Variants in UNC13B observed in about 807,000 individuals in gnomAD.
The protein encoded by UNC13B is protein unc-13 homolog B.
A neutral mutation model predicts 211.0 loss-of-function variants in UNC13B; 144 were observed. The observed-to-expected ratio is 0.68, with a 90% confidence interval of 0.60 to 0.78. UNC13B has a LOEUF of 0.78. Among genes scored for constraint, UNC13B ranks in the 30% least tolerant of loss-of-function variants. The pLI is 0.00. For synonymous variants in UNC13B, 709 were observed against 725.8 expected (o/e 0.98, Z 0.37); for missense variants, 1,777 against 2,002.0 (o/e 0.89, Z 2.14).
chr9:35,305,436 A>G lies in UNC13B; in HGVS notation c.6032A>G (p.Asp2011Gly), dbSNP rs575981083. 4 of 399,016 alleles carry G rather than the reference A, an allele frequency of 1.0e-5. No homozygotes were observed. The highest frequency in any genetic ancestry group is 6.2e-5 in the African/African-American group (3 of 48,754). The allele number at this position is 399,016 out of a possible 1,614,324, so 24.7% of individuals were successfully genotyped here. ...NTSVSSMTIK[D>G]EVRSSPTPME... ...TCTGTTTCTTCAATGACTATTAAGG[A>G]TGAGGTCAGGTCAAGTCCTACTCCT... The change falls in exon 9 of 40, where the codon GAT becomes GGT. Residue 2011 changes from aspartate (D) to glycine (G), a missense_variant. Transcript: ENST00000635942.
At chr9:35,217,119 A>T (rs1824290679) in intron 1 of UNC13B, among the ~76,000 whole-genome samples, 1 of 152,212 alleles carries the variant, frequency 6.6e-6, no homozygotes, top group Admixed American at 6.5e-5. Flanking sequence ...GGGTCTACAT[A>T]TGTGATAAAT....
chr9:35,279,072 C>A (rs926313890), intron 7 of UNC13B, among the ~76,000 whole-genome samples: 1 of 151,978 alleles, frequency 6.6e-6, no homozygotes, highest in Non-Finnish European at 1.5e-5. Context: ...TAAAATAAAC[C>A]ATTTTAAATA....
intron 11 of UNC13B, among the ~76,000 whole-genome samples, chr9:35,349,325 C>G (rs1413242711): frequency 2.0e-5 from 3 of 148,082 alleles, no homozygotes; most frequent in Non-Finnish European, 4.5e-5. Context: ...CAGGGATACC[C>G]AATCCCTACA....
chr9:35,384,535 T>TTTATA, intron 22 of UNC13B: 1 of 985,488 alleles, frequency 1.0e-6, no homozygotes, highest in Non-Finnish European at 1.2e-6. Flanking sequence ...TATAGACAGT[T>TTTATA]GTCTTTCCAA....
intron 18 of UNC13B, 94 bp downstream of exon 18, chr9:35,380,733 A>G (rs567575784): frequency 1.1e-5 from 17 of 1,510,448 alleles, no homozygotes; most frequent in African/African-American, 9.6e-5. Context: ...TCTGTCCCCA[A>G]AGCATACCTC....
chr9:35,254,849 C>T (rs1826727029), intron 6 of UNC13B, among the ~76,000 whole-genome samples: 1 of 138,846 alleles, frequency 7.2e-6, no homozygotes, highest in South Asian at 2.2e-4. Context: ...TACGCTTTTT[C>T]TAAGTGTTGA....
In UNC13B at chr9:35,397,636, C is replaced by T. The variant is rs1835972910; in HGVS notation, c.11678C>T (p.Thr3893Ile). 7 of 1,613,200 alleles carry T rather than the reference C, an allele frequency of 4.3e-6. No individual in the cohort carries two copies. The highest frequency in any genetic ancestry group is 3.3e-4 in the Middle Eastern group (2 of 6,062). Residue 3893 changes from threonine (T) to isoleucine (I), a missense_variant and splice_region_variant, in exon 30 of 40, where the codon ACC becomes ATC. Thr to Ile is a moderately conservative substitution (Grantham distance 89). Coordinates refer to ENST00000635942, the MANE Select transcript of UNC13B (RefSeq NM_001371189.2). ...LAHYMRRFAK[T>I]IGKVLMQYAD... Reference sequence around the variant, plus strand: ...TTCTTTCCTTTCTCCTCTTCTCAGACCATCGGGAAGGTGCTGATGCAGTAT... The same window carrying T: ...TTCTTTCCTTTCTCCTCTTCTCAGATCATCGGGAAGGTGCTGATGCAGTAT...
chr9:35,206,872 CA>C (rs35378310), intron 1 of UNC13B, among the ~76,000 whole-genome samples: 92,867 of 113,006 alleles, frequency 0.82, 37,661 homozygotes, highest in Middle Eastern at 0.9. Flanking sequence ...GACTCCATCT[CA>C]AAAAAAAAAA....
rs183441011 is a variant in UNC13B, at chr9:35,273,520, A to G, written c.526+14470A>G. On this transcript the variant is annotated intron_variant, in intron 7 of 39. Transcript: ENST00000635942. ...TCAAATACTCCTCTTATAGCCTCTT[A>G]TTATTCTTGGTCTCCATCTAAAACT... Among the ~76,000 whole-genome samples the G allele has an allele frequency of 2.0e-4, 30 of 152,252 alleles. No individual in the cohort carries two copies. The South Asian group carries it at 6.0e-3, about 31-fold the overall frequency.
At chr9:35,319,537 C>T (rs1341774586) in intron 11 of UNC13B, among the ~76,000 whole-genome samples, 1 of 151,504 alleles carries the variant, frequency 6.6e-6, no homozygotes, top group African/African-American at 2.4e-5. Flanking sequence ...GAACATAGTA[C>T]TCAGGTAGTT....
At chr9:35,241,754 CCTT>C (rs1260702517) in intron 5 of UNC13B, among the ~76,000 whole-genome samples, 1 of 152,178 alleles carries the variant, frequency 6.6e-6, no homozygotes, top group Non-Finnish European at 1.5e-5. Flanking sequence ...TTCCCACTCT[CCTT>C]CTTTGTAACA....
chr9:35,391,809 A>G (rs75090152), intron 26 of UNC13B, among the ~76,000 whole-genome samples: 3,574 of 152,302 alleles, frequency 0.023, 134 homozygotes, highest in African/African-American at 0.081. Context: ...GAGGTTTTCA[A>G]ACAGAAGTAT....
At chr9:35,175,972 G>A (rs923287739) in intron 1 of UNC13B, among the ~76,000 whole-genome samples, 3 of 149,092 alleles carry the variant, frequency 2.0e-5, no homozygotes, top group African/African-American at 7.4e-5. Flanking sequence ...GTTGCGGTGA[G>A]CTGAGATCAC....
intron 1 of UNC13B, among the ~76,000 whole-genome samples, chr9:35,209,668 C>T (rs531755893): frequency 3.9e-5 from 6 of 152,310 alleles, no homozygotes; most frequent in South Asian, 2.1e-4. Flanking sequence ...ATGGGCCACA[C>T]GCCCAGCCAA....
chr9:35,202,203 C>T (rs1823345359), intron 1 of UNC13B, among the ~76,000 whole-genome samples: 1 of 152,096 alleles, frequency 6.6e-6, no homozygotes, highest in Admixed American at 6.6e-5. Context: ...GTCTGAGAGA[C>T]AGTTTGTTAT....
At chr9:35,262,635 A>G (rs1827345553) in intron 7 of UNC13B, among the ~76,000 whole-genome samples, 1 of 152,090 alleles carries the variant, frequency 6.6e-6, no homozygotes, top group Admixed American at 6.6e-5. Context: ...CTTTAATATA[A>G]TAAAAAAAAA....
chr9:35,304,617 G>T lies in UNC13B; in HGVS notation c.5213G>T (p.Gly1738Val). 2.5e-6 allele frequency: 1 copy of T among 398,632 alleles called. No individual in the cohort carries two copies. The highest frequency in any genetic ancestry group is 4.4e-6 in the Non-Finnish European group (1 of 225,892). The allele number at this position is 398,632 out of a possible 1,614,324, so 24.7% of individuals were successfully genotyped here. A position where few individuals can be genotyped will look rare whatever the true frequency, so the allele number is the denominator to read the frequency against. ...GTTCATCCTGAAAATATGACTAAAG[G>T]CTCACAACAAGCAGAAGAGACATCA... ...TLVHPENMTK[G>V]SQQAEETSLV... Residue 1738 changes from glycine (G) to valine (V), a missense_variant, in exon 9 of 40, where the codon GGC becomes GTC. Gly to Val is a moderately radical substitution (Grantham distance 109). Transcript: ENST00000635942.
chr9:35,168,488 CT>C (rs1821162590), intron 1 of UNC13B, among the ~76,000 whole-genome samples: 1 of 152,070 alleles, frequency 6.6e-6, no homozygotes, highest in Admixed American at 6.6e-5. Context: ...TTGCTGTTTT[CT>C]TTGGCATATA....
chr9:35,344,879 G>T (rs558516876), intron 11 of UNC13B, among the ~76,000 whole-genome samples: 8 of 152,264 alleles, frequency 5.3e-5, no homozygotes, highest in East Asian at 3.9e-4. Context: ...TGACAGGGTT[G>T]GTTTGTTTTG....
Sources: allele counts gnomAD v4.1 joint callset (sites outside exome capture counted in the v4.1 genomes callset), GRCh38; gene constraint gnomAD v4.1.1; transcripts MANE v1.5; gene names NCBI Gene and HGNC (gene_info 2026-07-23, HGNC 2026-07-21).